The following TMEM255A variants were observed in gnomAD, a reference collection of about 807,000 sequenced individuals.
TMEM255A encodes the protein transmembrane protein 255A.
In TMEM255A, 14 loss-of-function variants were observed where a neutral mutation model predicts 23.5. That is an observed-to-expected ratio of 0.60 (90% CI 0.39 to 0.93). The LOEUF (loss-of-function observed/expected upper bound fraction) is 0.93. TMEM255A is among the 40% of genes least tolerant of loss of function. The pLI is 0.00. For synonymous variants in TMEM255A, 104 were observed against 100.3 expected, an observed-to-expected ratio of 1.04 and a Z score of -0.22; for missense variants, 233 against 261.7, an observed-to-expected ratio of 0.89 and a Z score of 0.76.
chrX:120,289,799 C>G (rs186549321), intron 4 of TMEM255A, among the ~76,000 whole-genome samples: 1 of 111,786 alleles, frequency 8.9e-6, no homozygotes, highest in African/African-American at 3.3e-5. Context: ...AGTGAACGGA[C>G]AAAGAAAATG....
rs782553354 is a variant in TMEM255A, at chrX:120,272,902, C to T, written c.675+3983G>A. ...GATTACAGGCATGCACCACCATGCC[C>T]GGCTAATTTTTGTATTTTTAGTAGA... On this transcript the variant is annotated intron_variant, in intron 7 of 8. Transcript: ENST00000371369. Among the ~76,000 whole-genome samples the T allele has an allele frequency of 1.6e-4, 18 of 110,471 alleles. No homozygotes were observed. In the East Asian group the frequency reaches 2.9e-3, roughly 18 times the overall value.
At position 120,294,074 on chromosome X, in the gene TMEM255A, T is replaced by C. The variant is rs782024914; in HGVS notation, c.202-23A>G. On this transcript the variant is annotated intron_variant, in intron 2 of 8. Coordinates refer to ENST00000371369, the MANE Select transcript of TMEM255A (RefSeq NM_001104544.3). Reference sequence around the variant, plus strand: ...GAGCTGCAAAGCAATATGGCATACATAGTATGTGGGATGACAGTCAGGCTG... The same window carrying C: ...GAGCTGCAAAGCAATATGGCATACACAGTATGTGGGATGACAGTCAGGCTG... 10 of 1,096,853 alleles carry C rather than the reference T, an allele frequency of 9.1e-6. No individual in the cohort carries two copies. In the Admixed American group the frequency reaches 2.2e-4, roughly 25 times the overall value. 90.4% of individuals were successfully genotyped at this position (1,096,853 alleles called of 1,213,427 possible). A position where few individuals can be genotyped will look rare whatever the true frequency, so the allele number is the denominator to read the frequency against.
At chrX:120,258,298 A>G (rs1207804744), downstream of TMEM255A, 1 of 123,616 alleles carries the variant, frequency 8.1e-6, no homozygotes, top group Admixed American at 9.4e-5. Context: ...ACACTTGTAC[A>G]ATCTTCCCTG....
In TMEM255A at chrX:120,296,871, T is replaced by TA. The variant is rs1556024540; in HGVS notation, c.202-2821dup. Among the ~76,000 whole-genome samples, 20 of 7,158 alleles carry TA rather than the reference T, an allele frequency of 2.8e-3. 1 individual carries two copies. The highest frequency in any genetic ancestry group is 3.8e-3 in the African/African-American group (3 of 792). 6.2% of individuals were successfully genotyped at this position (7,158 alleles called of 115,157 possible). ...ATCATATATAATATATAATATATTA[T>TA]ATATCATATATATTATATATGATAT... is the stretch of plus-strand genomic sequence containing the variant. On this transcript the variant is annotated intron_variant, in intron 2 of 8. Coordinates refer to ENST00000371369, the MANE Select transcript of TMEM255A (RefSeq NM_001104544.3).
At chrX:120,281,156 C>T (rs2057834497) in intron 6 of TMEM255A, among the ~76,000 whole-genome samples, 1 of 112,168 alleles carries the variant, frequency 8.9e-6, no homozygotes, top group South Asian at 3.7e-4. Flanking sequence ...GGGCGAGGGT[C>T]GTCTCTTAAC....
At chrX:120,258,420 A>C (rs781930497), downstream of TMEM255A, 8 of 123,261 alleles carry the variant, frequency 6.5e-5, no homozygotes, top group South Asian at 2.9e-3. Flanking sequence ...GTGTTTTACA[A>C]GATTGTCTTT....
chrX:120,253,800 A>T, downstream of TMEM255A: 1 of 1,211,810 alleles, frequency 8.3e-7, no homozygotes, highest in African/African-American at 1.7e-5. Context: ...CATCTCAGGT[A>T]CAGCGCAGGA....
At chrX:120,297,924 G>A (rs1556025186) in intron 2 of TMEM255A, among the ~76,000 whole-genome samples, 1 of 111,084 alleles carries the variant, frequency 9.0e-6, no homozygotes, top group Admixed American at 9.6e-5. Flanking sequence ...CCTTAAAATG[G>A]ACAGCTGCTT....
intron 7 of TMEM255A, among the ~76,000 whole-genome samples, chrX:120,276,615 G>C: frequency 9.0e-6 from 1 of 111,502 alleles, no homozygotes; most frequent in Non-Finnish European, 1.9e-5. Flanking sequence ...GCGAATGGGG[G>C]AACTGAGAAC....
chrX:120,260,750 G>A lies in TMEM255A; in HGVS notation c.*120C>T. 2 of 966,185 alleles carry A rather than the reference G, an allele frequency of 2.1e-6. No homozygotes were observed. The highest frequency in any genetic ancestry group is 2.8e-6 in the Non-Finnish European group (2 of 714,957). The allele number at this position is 966,185 out of a possible 1,213,427, so 79.6% of individuals were successfully genotyped here. A position where few individuals can be genotyped will look rare whatever the true frequency, so the allele number is the denominator to read the frequency against. On this transcript the variant is annotated 3_prime_UTR_variant, in exon 9 of 9. Transcript: ENST00000371369. Reference sequence around the variant, plus strand: ...TTCGTCCCTATCTTTCCCTAGCCTGGCAGGCCATTGTAAAACTTTATGCAT... The same window carrying A: ...TTCGTCCCTATCTTTCCCTAGCCTGACAGGCCATTGTAAAACTTTATGCAT...
At chrX:120,280,562 G>T (rs782649908) in intron 6 of TMEM255A, among the ~76,000 whole-genome samples, 13 of 110,451 alleles carry the variant, frequency 1.2e-4, no homozygotes, top group Non-Finnish European at 7.6e-5. Flanking sequence ...CTCTGAAATT[G>T]CACCTTTTGC....
At position 120,260,092 on chromosome X, in the gene TMEM255A, C is replaced by A. The variant is rs782478751; in HGVS notation, c.*778G>T. 1 of 734,551 alleles carries A rather than the reference C, an allele frequency of 1.4e-6. No homozygotes were observed. The highest frequency in any genetic ancestry group is 1.6e-6 in the Non-Finnish European group (1 of 622,331). The allele number at this position is 734,551 out of a possible 1,213,427, so 60.5% of individuals were successfully genotyped here. On this transcript the variant is annotated 3_prime_UTR_variant, in exon 9 of 9. Transcript: ENST00000371369. ...ACCATAAGATTTATATCTCCTGTAG[C>A]AAATGTATTTTGTAATAATGCAACA...
chrX:120,301,897 C>T (rs994794942), intron 2 of TMEM255A, among the ~76,000 whole-genome samples: 1 of 111,745 alleles, frequency 8.9e-6, no homozygotes, highest in Admixed American at 9.5e-5. Flanking sequence ...AGGTATGAGT[C>T]GTAATTGTAT....
chrX:120,291,101 G>A, intron 4 of TMEM255A, 150 bp downstream of exon 4: 1 of 497,929 alleles, frequency 2.0e-6, no homozygotes, highest in Admixed American at 3.4e-5. Context: ...TCTTCACCTT[G>A]ACTGCCAACT....
downstream of TMEM255A, chrX:120,254,459 G>A (rs782129864): frequency 7.4e-6 from 9 of 1,209,468 alleles, no homozygotes; most frequent in Non-Finnish European, 1.0e-5. Flanking sequence ...GTCCTGACTC[G>A]GCCGTCAGTA....
intron 2 of TMEM255A, among the ~76,000 whole-genome samples, chrX:120,300,896 A>G (rs1042636132): frequency 9.3e-6 from 1 of 107,556 alleles, no homozygotes; most frequent in Admixed American, 1.0e-4. Flanking sequence ...TTATATATAT[A>G]CTTTTTGTAG....
At chrX:120,276,004 C>T (rs1360567480) in intron 7 of TMEM255A, among the ~76,000 whole-genome samples, 3 of 109,566 alleles carry the variant, frequency 2.7e-5, no homozygotes, top group African/African-American at 1.0e-4. Context: ...GGCTGTTGCT[C>T]AGCCTAGTCT....
chrX:120,272,894 A>G (rs1203889351), intron 7 of TMEM255A, among the ~76,000 whole-genome samples: 2 of 110,502 alleles, frequency 1.8e-5, no homozygotes, highest in African/African-American at 6.6e-5. Context: ...GGCATGCACC[A>G]CCATGCCCGG....
chrX:120,290,373 C>T (rs1408903371), intron 4 of TMEM255A, among the ~76,000 whole-genome samples: 3 of 111,378 alleles, frequency 2.7e-5, no homozygotes, highest in Admixed American at 9.5e-5. Flanking sequence ...AATGCCTGCC[C>T]TATATATATC....
Sources: gnomAD v4.1 joint callset for allele counts (sites outside exome capture counted in the v4.1 genomes callset) on GRCh38, gnomAD v4.1.1 for gene constraint, MANE v1.5 for transcripts, NCBI Gene and HGNC (gene_info 2026-07-23, HGNC 2026-07-21) for gene names.